Variants in TBC1D4 observed in about 807,000 individuals in gnomAD.
TBC1D4 encodes the protein TBC (Tre-2, BUB2, CDC16) domain-containing protein.
In TBC1D4, 121 loss-of-function variants were observed where a neutral mutation model predicts 142.5. That is an observed-to-expected ratio of 0.85 (90% confidence interval 0.73 to 0.99). TBC1D4 has a LOEUF of 0.99. TBC1D4 is among the 50% of genes least tolerant of loss of function. The probability of loss-of-function intolerance (pLI) is 0.00; values close to 1 mark genes in which losing one functional copy is unlikely to be tolerated. For missense variants in TBC1D4, 1,475 were observed against 1,606.6 expected (o/e 0.92, Z 1.40); for synonymous variants, 630 against 628.2 (o/e 1.00, Z -0.04).
At chr13:75,445,494 G>T (rs547738662) in intron 1 of TBC1D4, among the ~76,000 whole-genome samples, 1 of 152,164 alleles carries the variant, frequency 6.6e-6, no homozygotes, top group Non-Finnish European at 1.5e-5. Flanking sequence ...ACCACTCTAA[G>T]AATCCACTGA....
At chr13:75,321,460 G>A (rs938096892) in intron 11 of TBC1D4, among the ~76,000 whole-genome samples, 4 of 150,232 alleles carry the variant, frequency 2.7e-5, no homozygotes, top group African/African-American at 9.7e-5. Context: ...TATGTAAATG[G>A]ACCAAAAATT....
intron 1 of TBC1D4, among the ~76,000 whole-genome samples, chr13:75,394,182 T>A (rs1244308768): frequency 5.3e-5 from 8 of 152,180 alleles, no homozygotes; most frequent in Admixed American, 4.6e-4. Flanking sequence ...AGAAATATAA[T>A]TAACTTAGAG....
chr13:75,438,088 C>T (rs1040011887), intron 1 of TBC1D4, among the ~76,000 whole-genome samples: 1 of 152,208 alleles, frequency 6.6e-6, no homozygotes, highest in Non-Finnish European at 1.5e-5. Flanking sequence ...TTTCCTCATT[C>T]TGCTATATCC....
chr13:75,402,382 G>A (rs1263058307), intron 1 of TBC1D4, among the ~76,000 whole-genome samples: 2 of 151,990 alleles, frequency 1.3e-5, no homozygotes, highest in Non-Finnish European at 2.9e-5. Context: ...TTAAGCTTTC[G>A]TTGAAACATG....
Position 75,479,600 on chromosome 13 carries a change from G to T in TBC1D4, c.498+1670C>A, listed in dbSNP as rs77805295. On this transcript the variant is annotated intron_variant, in intron 1 of 20. Transcript: ENST00000377636. ...GTCATGCATCAGATGTCGCTGGGGG[G>T]AAATAACTTTAACAGAAACCCCCGA... is the stretch of plus-strand genomic sequence containing the variant. Among the ~76,000 whole-genome samples the T allele has an allele frequency of 2.4e-3, 358 of 151,926 alleles. 1 individual carries two copies. The highest frequency in any genetic ancestry group is 7.9e-3 in the African/African-American group (326 of 41,416).
At chr13:75,390,878 G>C (rs1486215223) in intron 1 of TBC1D4, among the ~76,000 whole-genome samples, 42 of 83,272 alleles carry the variant, frequency 5.0e-4, no homozygotes, top group African/African-American at 1.8e-3. Flanking sequence ...GAGGGGAGGG[G>C]AGGGGAGGGA....
intron 1 of TBC1D4, among the ~76,000 whole-genome samples, chr13:75,448,930 T>C (rs1033359908): frequency 6.6e-6 from 1 of 152,098 alleles, no homozygotes; most frequent in Non-Finnish European, 1.5e-5. Context: ...TGAAATTTTA[T>C]AAAAGCTGCT....
chr13:75,337,351 A>T (rs1880311847), intron 7 of TBC1D4, among the ~76,000 whole-genome samples: 1 of 152,208 alleles, frequency 6.6e-6, no homozygotes, highest in South Asian at 2.1e-4. Context: ...TGCTACTCTG[A>T]TTAACATCTA....
intron 1 of TBC1D4, among the ~76,000 whole-genome samples, chr13:75,453,851 G>C (rs1316541145): frequency 6.8e-6 from 1 of 146,904 alleles, no homozygotes; most frequent in Non-Finnish European, 1.5e-5. Flanking sequence ...GACAGAGCAA[G>C]ACTCTGTCTC....
chr13:75,408,855 C>T (rs1885462725), intron 1 of TBC1D4, among the ~76,000 whole-genome samples: 1 of 152,038 alleles, frequency 6.6e-6, no homozygotes, highest in African/African-American at 2.4e-5. Context: ...GCTTATTGAC[C>T]ATCTGAATAC....
chr13:75,392,561 C>T (rs956509550), intron 1 of TBC1D4, among the ~76,000 whole-genome samples: 5 of 151,994 alleles, frequency 3.3e-5, no homozygotes, highest in African/African-American at 9.7e-5. Flanking sequence ...TTTCCTTTTC[C>T]TTTTCTTCTT....
chr13:75,342,685 G>A (rs1031282019), intron 5 of TBC1D4, among the ~76,000 whole-genome samples: 2 of 151,842 alleles, frequency 1.3e-5, no homozygotes, highest in African/African-American at 4.8e-5. Flanking sequence ...CATATTTGCA[G>A]TAATTCAACA....
intron 5 of TBC1D4, among the ~76,000 whole-genome samples, chr13:75,348,628 C>A (rs914717979): frequency 6.6e-6 from 1 of 152,074 alleles, no homozygotes; most frequent in African/African-American, 2.4e-5. Flanking sequence ...CTTCTCAGAA[C>A]ATATTAAAAA....
intron 4 of TBC1D4, among the ~76,000 whole-genome samples, chr13:75,351,362 T>A (rs1218851272): frequency 6.6e-6 from 1 of 152,136 alleles, no homozygotes; most frequent in Non-Finnish European, 1.5e-5. Flanking sequence ...AAGAATGGCA[T>A]CAATCCTATT....
chr13:75,324,537 T>TG, intron 10 of TBC1D4, 136 bp from the exon 11 acceptor site: 1 of 1,029,668 alleles, frequency 9.7e-7, no homozygotes, highest in South Asian at 1.6e-5. Flanking sequence ...GGATCTTACA[T>TG]GAAAAAAAAA....
chr13:75,371,956 T>A (rs1338530854), intron 1 of TBC1D4, among the ~76,000 whole-genome samples: 1 of 152,218 alleles, frequency 6.6e-6, no homozygotes, highest in Non-Finnish European at 1.5e-5. Context: ...AAAAATAACC[T>A]TATGTTTCTT....
At chr13:75,324,517 G>T in intron 10 of TBC1D4, 116 bp from the exon 11 acceptor site, 1 of 1,233,898 alleles carries the variant, frequency 8.1e-7, no homozygotes, top group Non-Finnish European at 1.1e-6. Flanking sequence ...TCCTTTCAAG[G>T]CTCAGGGCTG....
intron 8 of TBC1D4, among the ~76,000 whole-genome samples, chr13:75,328,824 GCA>G (rs1392593939): frequency 6.6e-6 from 1 of 152,118 alleles, no homozygotes; most frequent in Non-Finnish European, 1.5e-5. Flanking sequence ...GTAAGGGGTT[GCA>G]TTTCATTTTA....
At chr13:75,426,741 A>G (rs1886384693) in intron 1 of TBC1D4, among the ~76,000 whole-genome samples, 1 of 152,172 alleles carries the variant, frequency 6.6e-6, no homozygotes, top group Admixed American at 6.5e-5. Flanking sequence ...TTTAAACAGA[A>G]GTAGAAAGAA....
Sources: gnomAD v4.1 joint callset for allele counts (sites outside exome capture counted in the v4.1 genomes callset) on GRCh38, gnomAD v4.1.1 for gene constraint, MANE v1.5 for transcripts, NCBI Gene and HGNC (gene_info 2026-07-23, HGNC 2026-07-21) for gene names.